Variants in SPACDR observed in about 807,000 individuals in gnomAD.
SPACDR encodes sperm acrosome developmental regulator.
At chr7:100,463,338 G>A in the SPACDR span, 461 of 1,531,660 alleles carry the variant, frequency 3.0e-4, 6 homozygotes, top group South Asian at 4.9e-3. Flanking sequence ...GGGAAAGAGG[G>A]AGGGGGTGTT....
the SPACDR span, chr7:100,457,019 T>C: frequency 8.6e-6 from 13 of 1,515,500 alleles, no homozygotes; most frequent in African/African-American, 1.4e-5. Flanking sequence ...CATGCGTAAA[T>C]AGCTGGGTCT....
At chr7:100,457,203 A>G in the SPACDR span, among the ~76,000 whole-genome samples, 4 of 147,522 alleles carry the variant, frequency 2.7e-5, no homozygotes, top group Non-Finnish European at 6.0e-5. Flanking sequence ...GGGTCTTGCT[A>G]TGTTGCCCAG....
chr7:100,457,817 G>GTGTGTGTT, the SPACDR span, among the ~76,000 whole-genome samples: 4 of 100,388 alleles, frequency 4.0e-5, no homozygotes, highest in African/African-American at 1.8e-4. Flanking sequence ...GTGTGTGTGT[G>GTGTGTGTT]TGTGTGTGTG....
At chr7:100,457,803 A>ATATGTGTGTG in the SPACDR span, among the ~76,000 whole-genome samples, 34 of 72,588 alleles carry the variant, frequency 4.7e-4, no homozygotes, top group South Asian at 1.8e-3. Context: ...ATATATATAT[A>ATATGTGTGTG]TGTGTGTGTG....
At chr7:100,463,946 T>G in the SPACDR span, 1 of 1,602,928 alleles carries the variant, frequency 6.2e-7, no homozygotes, top group East Asian at 2.2e-5. Flanking sequence ...GAGGACAGAG[T>G]GGTCTCAGAA....
the SPACDR span, among the ~76,000 whole-genome samples, chr7:100,458,500 G>C: frequency 6.6e-6 from 1 of 152,000 alleles, no homozygotes; most frequent in Non-Finnish European, 1.5e-5. Context: ...CCCTATCTCT[G>C]TGGCCCCTGG....
chr7:100,463,337 G>C, the SPACDR span: 1 of 1,530,136 alleles, frequency 6.5e-7, no homozygotes, highest in Middle Eastern at 2.2e-4. Context: ...GGGGAAAGAG[G>C]GAGGGGGTGT....
the SPACDR span, among the ~76,000 whole-genome samples, chr7:100,457,288 G>C: frequency 6.6e-6 from 1 of 151,128 alleles, no homozygotes; most frequent in Non-Finnish European, 1.5e-5. Flanking sequence ...ACAGGCGTGA[G>C]GCATCACACC....
chr7:100,463,995 C>T, the SPACDR span: 76 of 1,608,428 alleles, frequency 4.7e-5, no homozygotes, highest in Non-Finnish European at 6.1e-5. Flanking sequence ...GCCCGTCTAA[C>T]CCATCGGAAG....
At chr7:100,462,719 C>T in the SPACDR span, among the ~76,000 whole-genome samples, 2 of 150,556 alleles carry the variant, frequency 1.3e-5, no homozygotes, top group Admixed American at 1.3e-4. Context: ...CACTTTGTTG[C>T]CCAGGCTGGC....
the SPACDR span, among the ~76,000 whole-genome samples, chr7:100,459,171 T>A: frequency 6.9e-6 from 1 of 143,980 alleles, no homozygotes; most frequent in African/African-American, 2.6e-5. Flanking sequence ...GCCTGGCTAA[T>A]TTTTTTGTAT....
At chr7:100,463,886 C>T in the SPACDR span, 16 of 1,496,516 alleles carry the variant, frequency 1.1e-5, no homozygotes, top group Admixed American at 2.7e-4. Flanking sequence ...GGGAGGGAAC[C>T]CACGCAGTAA....
the SPACDR span, chr7:100,463,756 A>G: frequency 5.7e-6 from 8 of 1,406,394 alleles, no homozygotes; most frequent in Admixed American, 1.3e-4. Context: ...ATCCACAGAA[A>G]AGAAGGCACA....
chr7:100,457,851 ATATATAT>A, the SPACDR span, among the ~76,000 whole-genome samples: 6 of 29,612 alleles, frequency 2.0e-4, no homozygotes, highest in African/African-American at 7.7e-4. Context: ...GTATATATAT[ATATATAT>A]TTTTTTTTTT....
At chr7:100,457,074 G>A in the SPACDR span, 1 of 867,930 alleles carries the variant, frequency 1.2e-6, no homozygotes, top group Non-Finnish European at 1.8e-6. Flanking sequence ...AACAGCAAAG[G>A]GCTCCCTGAT....
the SPACDR span, among the ~76,000 whole-genome samples, chr7:100,460,143 C>G: frequency 7.2e-5 from 11 of 152,116 alleles, no homozygotes; most frequent in Admixed American, 7.2e-4. Flanking sequence ...CCTGCCTCGG[C>G]CTCCCAAAGT....
chr7:100,456,826 G>A, the SPACDR span: 1 of 1,613,118 alleles, frequency 6.2e-7, no homozygotes, highest in African/African-American at 1.3e-5. Context: ...CATCGGACGT[G>A]GTGCCGTCTG....
chr7:100,456,728 C>T, the SPACDR span: 2 of 1,518,958 alleles, frequency 1.3e-6, no homozygotes, highest in Non-Finnish European at 8.9e-7. Flanking sequence ...GAGGTCAGGA[C>T]TCTCTAAGGG....
chr7:100,460,800 C>T, the SPACDR span, among the ~76,000 whole-genome samples: 1 of 151,914 alleles, frequency 6.6e-6, no homozygotes. Flanking sequence ...TGCATCATGC[C>T]TGGCTAATTT....
Sources: allele counts gnomAD v4.1 joint callset (sites outside exome capture counted in the v4.1 genomes callset), GRCh38; gene constraint gnomAD v4.1.1; transcripts MANE v1.5; gene names NCBI Gene and HGNC (gene_info 2026-07-23, HGNC 2026-07-21).